The following LRRC9 variants were observed in gnomAD, a reference collection of about 807,000 sequenced individuals.
LRRC9 encodes the protein leucine rich repeat containing 9.
In LRRC9, 122 loss-of-function variants were observed where a neutral mutation model predicts 63.2. The observed-to-expected ratio is 1.93, with a 90% CI of 1.67 to 2.24. The LOEUF is 2.24. Ranked by LOEUF, LRRC9 falls within the 30% of genes most tolerant of loss-of-function variation. The probability of loss-of-function intolerance (pLI) is 0.00; values close to 1 mark genes in which losing one functional copy is unlikely to be tolerated. For synonymous variants in LRRC9, 366 were observed against 213.1 expected (o/e 1.72, Z -6.25); for missense variants, 1,071 against 627.7 (o/e 1.71, Z -7.55).
intron 8 of LRRC9, among the ~76,000 whole-genome samples, chr14:59,959,077 A>C (rs1031070492): frequency 1.3e-5 from 2 of 152,242 alleles, no homozygotes; most frequent in African/African-American, 4.8e-5. Context: ...CCTCCTCAGT[A>C]CAATTTATCT....
chr14:59,933,222 T>C (rs947275921), intron 6 of LRRC9, among the ~76,000 whole-genome samples: 1 of 152,144 alleles, frequency 6.6e-6, no homozygotes, highest in African/African-American at 2.4e-5. Flanking sequence ...CTCCCCAACC[T>C]GCAGCACTCC....
At chr14:59,929,414 C>CAAAA (rs200248895) in intron 3 of LRRC9, among the ~76,000 whole-genome samples, 1 of 148,476 alleles carries the variant, frequency 6.7e-6, no homozygotes, top group African/African-American at 2.5e-5. Flanking sequence ...ATTAAAAAGT[C>CAAAA]AAAAAAAAAA....
rs1884921270 is a variant in LRRC9 at position 59,966,911 on chromosome 14, T to C, written c.1388+146T>C. On this transcript the variant is annotated intron_variant, in intron 11 of 31. Coordinates refer to ENST00000445360, the Ensembl canonical transcript of LRRC9. This position sits in a 1 kb window ranked among gnomAD's most constrained non-coding sequence, Gnocchi z 4.0. ...TTTTATGCATCTCCCATGGCCAGGA[T>C]GACCTCATAATTTATCCACATTGAG... The C allele has an allele frequency of 1.6e-5, 9 of 557,004 alleles. No homozygotes were observed. The highest frequency in any genetic ancestry group is 2.9e-5 in the Non-Finnish European group (9 of 311,852). The allele number at this position is 557,004 out of a possible 1,614,324, so 34.5% of individuals were successfully genotyped here.
At position 59,936,883 on chromosome 14, in the gene LRRC9, T is replaced by G. The variant is rs535382970; in HGVS notation, c.544-1507T>G. On this transcript the variant is annotated intron_variant, in intron 6 of 31. Transcript: ENST00000445360. The surrounding 1 kb of genome is among the most constrained non-coding windows in gnomAD (Gnocchi z 4.2). ...ATTCCCTTTTCCATTCCATTTTTAC[T>G]GTAGCTTTAGACCTAATGCTTCCTA... Among the ~76,000 whole-genome samples the G allele has an allele frequency of 6.6e-6, 1 of 152,320 alleles. No individual in the cohort carries two copies. The highest frequency in any genetic ancestry group is 2.4e-5 in the African/African-American group (1 of 41,584).
In LRRC9 at chr14:60,006,505, T is replaced by C. The variant is rs148486908; in HGVS notation, c.2951T>C (p.Leu984Pro). 135 of 702,120 alleles carry C rather than the reference T, an allele frequency of 1.9e-4. 1 individual carries two copies. In the East Asian group the frequency reaches 3.6e-3, roughly 19 times the overall value. The allele number at this position is 702,120 out of a possible 1,614,324, so 43.5% of individuals were successfully genotyped here. A position where few individuals can be genotyped will look rare whatever the true frequency, so the allele number is the denominator to read the frequency against. The change falls in exon 22 of 32, where the codon CTT (leucine) becomes CCT (proline). Residue 984 changes from leucine (L) to proline (P), a missense_variant. Transcript: ENST00000445360. The stretch of plus-strand genomic sequence containing the variant: ...ATGCTTCATCTTCACTCGCTTTCTC[T>C]TGAGAACAACAGAATCACTTCATTG...
chr14:60,032,761 G>C (rs886224455), intron 29 of LRRC9, among the ~76,000 whole-genome samples: 1 of 152,080 alleles, frequency 6.6e-6, no homozygotes. Flanking sequence ...ACTACACTGA[G>C]CTTTTTCCGC....
intron 23 of LRRC9, among the ~76,000 whole-genome samples, chr14:60,013,701 A>G (rs1224230873): frequency 6.6e-6 from 1 of 151,972 alleles, no homozygotes; most frequent in African/African-American, 2.4e-5. Flanking sequence ...TTCAAAGTTT[A>G]CTTTATCTGA....
chr14:60,015,570 C>G (rs1890609689), intron 23 of LRRC9, among the ~76,000 whole-genome samples: 1 of 152,116 alleles, frequency 6.6e-6, no homozygotes, highest in African/African-American at 2.4e-5. Context: ...TGCTCCCCAC[C>G]AGGCCTCCAT....
intron 12 of LRRC9, among the ~76,000 whole-genome samples, chr14:59,971,734 T>A (rs932132708): frequency 6.6e-6 from 1 of 152,026 alleles, no homozygotes; most frequent in African/African-American, 2.4e-5. Context: ...CCCTCCCTTT[T>A]CCATTATCCC....
Position 59,930,149 on chromosome 14 carries a change from T to G in LRRC9, c.268-769T>G, listed in dbSNP as rs1889575272. 1.3e-5 allele frequency among the ~76,000 whole-genome samples: 2 copies of G among 152,084 alleles called. No individual in the cohort carries two copies. Among genetic ancestry groups the G allele is most frequent in the African/African-American group, 2.4e-5 (1 of 41,440 alleles). On this transcript the variant is annotated intron_variant, in intron 3 of 31. Coordinates refer to ENST00000445360, the Ensembl canonical transcript of LRRC9. The surrounding 1 kb of genome is among the most constrained non-coding windows in gnomAD (Gnocchi z 4.9). ...GGATTAAAACATAAACATATTCTAC[T>G]TTTTAGTAATCAAATCATAACCAGT...
intron 17 of LRRC9, among the ~76,000 whole-genome samples, chr14:59,994,866 TG>T (rs910684533): frequency 3.5e-5 from 3 of 84,804 alleles, no homozygotes; most frequent in Non-Finnish European, 4.8e-5. Context: ...TGTTGTGGGG[TG>T]GGGGGAAGGG....
In LRRC9 at chr14:59,927,952, A is replaced by C. The variant is rs1889350110; in HGVS notation, c.9A>C (p.Glu3Asp). ...ACTGTTTTTAATGGAAGATGATTGAAAGTGAAAACCTAAACCAAGAAGAAA... is the reference window on the plus strand; with the variant it reads ...ACTGTTTTTAATGGAAGATGATTGACAGTGAAAACCTAAACCAAGAAGAAA... Residue 3 changes from glutamate (E) to aspartate (D), a missense_variant, in exon 2 of 32, where the codon GAA (glutamate) becomes GAC (aspartate). Transcript: ENST00000445360. This position sits in a 1 kb window ranked among gnomAD's most constrained non-coding sequence, Gnocchi z 4.4. 2.9e-6 allele frequency: 2 copies of C among 681,172 alleles called. No homozygotes were observed. The highest frequency in any genetic ancestry group is 2.7e-6 in the Non-Finnish European group (1 of 376,450). 42.2% of individuals were successfully genotyped at this position (681,172 alleles called of 1,614,324 possible).
Position 59,994,502 on chromosome 14 carries a change from C to T in LRRC9, c.2212-3154C>T, listed in dbSNP as rs954860664. ...GAAATACCATTTGACCCAGCCATCC[C>T]ATTACTGGGTATATACCCAAAGGAT... On this transcript the variant is annotated intron_variant, in intron 17 of 31. Transcript: ENST00000445360. Among the ~76,000 whole-genome samples the T allele has an allele frequency of 7.9e-5, 12 of 152,308 alleles. 1 individual carries two copies. The highest frequency in any genetic ancestry group is 2.6e-4 in the African/African-American group (11 of 41,564).
In LRRC9 at chr14:59,958,905, C is replaced by G. The variant is rs1884078901; in HGVS notation, c.883-913C>G. On this transcript the variant is annotated intron_variant, in intron 8 of 31. Transcript: ENST00000445360. The surrounding 1 kb of genome is among the most constrained non-coding windows in gnomAD (Gnocchi z 4.0). ...GCACTTCCTGGGTGATGTGACACCC[C>G]ACCCTGCTTCTGCTCACCCTCTGTG... Among the ~76,000 whole-genome samples the G allele has an allele frequency of 6.6e-6, 1 of 152,212 alleles. No individual in the cohort carries two copies. Among genetic ancestry groups the G allele is most frequent in the African/African-American group, 2.4e-5 (1 of 41,454 alleles).
intron 17 of LRRC9, among the ~76,000 whole-genome samples, chr14:59,988,366 C>T (rs917535213): frequency 1.4e-4 from 22 of 152,064 alleles, no homozygotes; most frequent in African/African-American, 4.8e-4. Context: ...CATGCGTGCA[C>T]GCATGCGTGT....
At position 60,027,782 on chromosome 14, in the gene LRRC9, T is replaced by C; in HGVS notation, c.3704-102T>C. On this transcript the variant is annotated intron_variant, in intron 27 of 31. Coordinates refer to ENST00000445360, the Ensembl canonical transcript of LRRC9. This position sits in a 1 kb window ranked among gnomAD's most constrained non-coding sequence, Gnocchi z 4.0. ...TAAGTTTCTTGAATCCTTTACTTCT[T>C]TTGACAAATCATCTGATTAAAAAAT... 1.9e-6 allele frequency: 1 copy of C among 532,898 alleles called. No homozygotes were observed. The highest frequency in any genetic ancestry group is 3.3e-6 in the Non-Finnish European group (1 of 302,526). 33.0% of individuals were successfully genotyped at this position (532,898 alleles called of 1,614,324 possible). A position where few individuals can be genotyped will look rare whatever the true frequency, so the allele number is the denominator to read the frequency against.
At position 60,053,728 on chromosome 14, in the gene LRRC9, G is replaced by T; in HGVS notation, c.4131+523G>T. Reference sequence around the variant, plus strand: ...GCTTTTTACTCAGGAGCCCTAAAATGTATCTGATCATGGTAGGAAAGAGAT... The same window carrying T: ...GCTTTTTACTCAGGAGCCCTAAAATTTATCTGATCATGGTAGGAAAGAGAT... On this transcript the variant is annotated intron_variant, in intron 30 of 31. Coordinates refer to ENST00000445360, the Ensembl canonical transcript of LRRC9. The surrounding 1 kb of genome is among the most constrained non-coding windows in gnomAD (Gnocchi z 4.8). The T allele has an allele frequency of 3.1e-6, 1 of 327,506 alleles. No homozygotes were observed. Among genetic ancestry groups the T allele is most frequent in the Non-Finnish European group, 5.9e-6 (1 of 169,308 alleles). The allele number at this position is 327,506 out of a possible 1,614,324, so 20.3% of individuals were successfully genotyped here.
chr14:60,011,983 G>C (rs943830673), intron 23 of LRRC9, among the ~76,000 whole-genome samples: 1 of 152,128 alleles, frequency 6.6e-6, no homozygotes, highest in Admixed American at 6.6e-5. Flanking sequence ...AATTTGAAGA[G>C]AGTTAACAGT....
chr14:59,984,634 GTCC>G (rs1357465989), intron 16 of LRRC9, among the ~76,000 whole-genome samples: 1 of 152,086 alleles, frequency 6.6e-6, no homozygotes, highest in Non-Finnish European at 1.5e-5. Flanking sequence ...TTGACCTTCT[GTCC>G]TCCTACTTCA....
Sources: gnomAD v4.1 joint callset for allele counts (sites outside exome capture counted in the v4.1 genomes callset) on GRCh38, gnomAD v4.1.1 for gene constraint, Gnocchi (gnomAD v3.1) non-coding constraint, MANE v1.5 for transcripts, NCBI Gene and HGNC (gene_info 2026-07-23, HGNC 2026-07-21) for gene names.